CORO2A: variants seen among roughly 807,000 people sequenced by gnomAD.
The protein encoded by CORO2A is coronin-2A.
Under a neutral mutation model 62.4 loss-of-function variants are expected in CORO2A, and 47 were observed. The observed-to-expected ratio is 0.75, with a 90% CI of 0.60 to 0.96. CORO2A has a LOEUF of 0.96. Ranked by LOEUF, CORO2A falls within the 40% of genes least tolerant of loss-of-function variation. The pLI, the probability that CORO2A is intolerant of heterozygous loss-of-function variation, is 0.00. For missense variants in CORO2A, 610 were observed against 684.1 expected (o/e 0.89, Z 1.21); for synonymous variants, 273 against 268.9 (o/e 1.02, Z -0.15).
intron 1 of CORO2A, among the ~76,000 whole-genome samples, chr9:98,159,090 C>A (rs369308454): frequency 6.8e-6 from 1 of 146,908 alleles, no homozygotes; most frequent in African/African-American, 2.5e-5. Context: ...GGAAGGATCT[C>A]GCTCTGTCAC....
intron 2 of CORO2A, among the ~76,000 whole-genome samples, chr9:98,140,653 C>T (rs1380912564): frequency 6.6e-6 from 1 of 152,144 alleles, no homozygotes; most frequent in Non-Finnish European, 1.5e-5. Flanking sequence ...CTATGTTGCC[C>T]AGGCTGGTCT....
chr9:98,142,460 A>G (rs1827583550), intron 2 of CORO2A, among the ~76,000 whole-genome samples: 1 of 152,030 alleles, frequency 6.6e-6, no homozygotes, highest in South Asian at 2.1e-4. Context: ...CTCTGGGATC[A>G]TTTCCTGGGT....
chr9:98,132,394 T>C (rs1343391799), intron 5 of CORO2A, 93 bp from the exon 6 acceptor site: 4 of 1,002,868 alleles, frequency 4.0e-6, no homozygotes, highest in Non-Finnish European at 4.7e-6. Context: ...ATGCCACCGC[T>C]CCACCTGGGA....
At chr9:98,150,277 T>C (rs895209015) in intron 2 of CORO2A, among the ~76,000 whole-genome samples, 1 of 151,956 alleles carries the variant, frequency 6.6e-6, no homozygotes, top group African/African-American at 2.4e-5. Flanking sequence ...GGACTCAGGA[T>C]AGAGCCCAGA....
At chr9:98,131,795 C>A (rs1171106223) in intron 6 of CORO2A, among the ~76,000 whole-genome samples, 2 of 152,146 alleles carry the variant, frequency 1.3e-5, no homozygotes, top group Non-Finnish European at 2.9e-5. Context: ...CTCACCCTAC[C>A]CTGCTCCACC....
rs575291908 is a variant in CORO2A at position 98,142,381 on chromosome 9, T to C, written c.202-4693A>G. On this transcript the variant is annotated intron_variant, in intron 2 of 11. Coordinates refer to ENST00000375077, the MANE Select transcript of CORO2A (RefSeq NM_052820.4). ...GCCTGGTGCTGTACTTCCTGTGCTC[T>C]GAGGGAGCACCAGTGAGTGCTCTGT... Among the ~76,000 whole-genome samples the C allele has an allele frequency of 2.0e-5, 3 of 152,378 alleles. No homozygotes were observed. The South Asian group carries it at 6.2e-4, about 32-fold the overall frequency.
intron 1 of CORO2A, among the ~76,000 whole-genome samples, chr9:98,167,113 A>G (rs1486137389): frequency 1.3e-5 from 2 of 151,968 alleles, no homozygotes; most frequent in Non-Finnish European, 2.9e-5. Flanking sequence ...CAAAAAAAAA[A>G]AAAAAAGAAA....
At chr9:98,165,081 G>A (rs1183687884) in intron 1 of CORO2A, among the ~76,000 whole-genome samples, 1 of 152,078 alleles carries the variant, frequency 6.6e-6, no homozygotes, top group Non-Finnish European at 1.5e-5. Context: ...CAATCCTCTG[G>A]CTTCAGCCTC....
At chr9:98,136,677 G>A (rs1007349579) in intron 3 of CORO2A, among the ~76,000 whole-genome samples, 4 of 152,170 alleles carry the variant, frequency 2.6e-5, no homozygotes, top group Non-Finnish European at 5.9e-5. Context: ...GTAACATTAG[G>A]CAAATTGCTG....
chr9:98,187,026 T>C (rs1442477166), intron 1 of CORO2A, among the ~76,000 whole-genome samples: 1 of 152,158 alleles, frequency 6.6e-6, no homozygotes, highest in Non-Finnish European at 1.5e-5. Context: ...ACGCCTGTAA[T>C]CCCAGCACTT....
chr9:98,168,693 A>G (rs879812684), intron 1 of CORO2A, among the ~76,000 whole-genome samples: 3 of 152,256 alleles, frequency 2.0e-5, no homozygotes, highest in African/African-American at 7.2e-5. Context: ...TGTGGTCCCA[A>G]TGTGTACAAG....
At chr9:98,143,109 C>T (rs544370067) in intron 2 of CORO2A, among the ~76,000 whole-genome samples, 7 of 152,196 alleles carry the variant, frequency 4.6e-5, no homozygotes, top group South Asian at 2.1e-4. Flanking sequence ...AGGGGAGACA[C>T]GCCTGCTCCC....
At chr9:98,168,687 G>A (rs1433130884) in intron 1 of CORO2A, among the ~76,000 whole-genome samples, 1 of 152,186 alleles carries the variant, frequency 6.6e-6, no homozygotes, top group East Asian at 1.9e-4. Context: ...GATTGTTGTG[G>A]TCCCAATGTG....
intron 1 of CORO2A, among the ~76,000 whole-genome samples, chr9:98,160,842 C>T (rs1041556026): frequency 6.6e-6 from 1 of 151,140 alleles, no homozygotes; most frequent in South Asian, 2.1e-4. Context: ...TCCTATGACC[C>T]GTTAGCCAGT....
At chr9:98,178,905 AC>A (rs1429348631) in intron 1 of CORO2A, among the ~76,000 whole-genome samples, 1 of 152,196 alleles carries the variant, frequency 6.6e-6, no homozygotes, top group East Asian at 1.9e-4. Context: ...GGAAACAAGA[AC>A]CTGAGAAGGG....
intron 1 of CORO2A, among the ~76,000 whole-genome samples, chr9:98,160,872 T>C (rs894521918): frequency 2.6e-5 from 4 of 152,148 alleles, no homozygotes; most frequent in Non-Finnish European, 5.9e-5. Context: ...GAGGCAGTGA[T>C]GTGTGTCACT....
intron 1 of CORO2A, among the ~76,000 whole-genome samples, 192 bp from the exon 2 acceptor site, chr9:98,157,852 G>A (rs1827828187): frequency 6.6e-6 from 1 of 152,236 alleles, no homozygotes; most frequent in African/African-American, 2.4e-5. Flanking sequence ...GACCTGGTAA[G>A]ATAAGATGGG....
At chr9:98,181,031 CT>C (rs980147239) in intron 1 of CORO2A, among the ~76,000 whole-genome samples, 12 of 152,160 alleles carry the variant, frequency 7.9e-5, no homozygotes, top group African/African-American at 2.2e-4. Flanking sequence ...ACGCCACTGA[CT>C]TTTTTTTCAC....
intron 2 of CORO2A, among the ~76,000 whole-genome samples, chr9:98,142,055 TA>T (rs1008909691): frequency 1.3e-5 from 2 of 152,322 alleles, no homozygotes; most frequent in South Asian, 2.1e-4. Flanking sequence ...GTTTTGCAAT[TA>T]AAAAAGGTGT....
Sources: gnomAD v4.1 joint callset for allele counts (sites outside exome capture counted in the v4.1 genomes callset) on GRCh38, gnomAD v4.1.1 for gene constraint, MANE v1.5 for transcripts, NCBI Gene and HGNC (gene_info 2026-07-23, HGNC 2026-07-21) for gene names.